SLIT2: variants seen among roughly 807,000 people sequenced by gnomAD.
SLIT2 encodes the protein slit homolog 2 protein.
Under a neutral mutation model 185.7 loss-of-function variants are expected in SLIT2, and 41 were observed. That is an observed-to-expected ratio of 0.22 (90% CI 0.17 to 0.29). The LOEUF is 0.29. Ranked by LOEUF, SLIT2 falls within the 10% of genes least tolerant of loss-of-function variation. The pLI is 1.00. For missense variants in SLIT2, 1,571 were observed against 1,909.0 expected, an observed-to-expected ratio of 0.82 and a Z score of 3.30; for synonymous variants, 693 against 680.2, an observed-to-expected ratio of 1.02 and a Z score of -0.29.
At chr4:20,316,843 G>T (rs1718636944) in intron 4 of SLIT2, among the ~76,000 whole-genome samples, 1 of 147,736 alleles carries the variant, frequency 6.8e-6, no homozygotes, top group African/African-American at 2.5e-5. Context: ...TTAATCTCCA[G>T]GGATTCTTCC....
chr4:20,469,436 A>T (rs1181671195), intron 5 of SLIT2, among the ~76,000 whole-genome samples: 1 of 152,188 alleles, frequency 6.6e-6, no homozygotes, highest in Non-Finnish European at 1.5e-5. Context: ...CAGTCATGAT[A>T]GAATTCTTCT....
chr4:20,408,808 G>T (rs910385614), intron 4 of SLIT2, among the ~76,000 whole-genome samples: 5 of 152,100 alleles, frequency 3.3e-5, no homozygotes, highest in Non-Finnish European at 7.4e-5. Flanking sequence ...AGTTTGCATC[G>T]CTGTGGCTCA....
chr4:20,401,789 C>A (rs906072391), intron 4 of SLIT2, among the ~76,000 whole-genome samples: 3 of 151,864 alleles, frequency 2.0e-5, no homozygotes, highest in Admixed American at 2.0e-4. Context: ...AACACTGTCA[C>A]AGGTTGGTAG....
chr4:20,275,948 G>T (rs1421208799), intron 4 of SLIT2, among the ~76,000 whole-genome samples: 1 of 151,968 alleles, frequency 6.6e-6, no homozygotes, highest in Non-Finnish European at 1.5e-5. Flanking sequence ...TCTGAAAGTT[G>T]TTCAGAAGAT....
chr4:20,596,466 C>G lies in SLIT2; in HGVS notation c.3372C>G (p.Pro1124=), dbSNP rs1727989293. 1 of 1,614,004 alleles carries G rather than the reference C, an allele frequency of 6.2e-7. No individual in the cohort carries two copies. The highest frequency in any genetic ancestry group is 1.3e-5 in the African/African-American group (1 of 75,008). The change falls in exon 32 of 37, where the codon CCC becomes CCG. Residue 1124 remains proline, a synonymous_variant. Coordinates refer to ENST00000504154, the MANE Select transcript of SLIT2 (RefSeq NM_004787.4). Reference sequence around the variant, plus strand: ...CCATGGTCCTCCCTCGTACCAGCCCCTGTGATAATTTTGATTGTCAGAATG... The same window carrying G: ...CCATGGTCCTCCCTCGTACCAGCCCGTGTGATAATTTTGATTGTCAGAATG... ...SPPMVLPRTS[P]CDNFDCQNGA...
intron 5 of SLIT2, among the ~76,000 whole-genome samples, chr4:20,473,548 C>A (rs1416597280): frequency 2.0e-5 from 3 of 151,984 alleles, no homozygotes; most frequent in Admixed American, 2.0e-4. Flanking sequence ...TGTGTTGTTA[C>A]AGAGCTATTT....
chr4:20,381,158 C>T (rs774666761), intron 4 of SLIT2, among the ~76,000 whole-genome samples: 2 of 152,010 alleles, frequency 1.3e-5, no homozygotes, highest in Admixed American at 1.3e-4. Flanking sequence ...GAGGCTGATG[C>T]AAGAGAATCA....
At chr4:20,263,955 C>T (rs532922316) in intron 3 of SLIT2, among the ~76,000 whole-genome samples, 18 of 151,868 alleles carry the variant, frequency 1.2e-4, no homozygotes, top group African/African-American at 3.6e-4. Flanking sequence ...TTCTTCCTAA[C>T]GTAGTATATG....
chr4:20,369,140 A>G (rs1723364817), intron 4 of SLIT2, among the ~76,000 whole-genome samples: 1 of 151,998 alleles, frequency 6.6e-6, no homozygotes, highest in Admixed American at 6.6e-5. Flanking sequence ...TTTCTTTCCC[A>G]AGATGGTCCA....
chr4:20,414,560 A>T (rs559665019), intron 4 of SLIT2, among the ~76,000 whole-genome samples: 2 of 152,024 alleles, frequency 1.3e-5, no homozygotes, highest in African/African-American at 2.4e-5. Context: ...TTTTTTAAAA[A>T]TTTTTTTGTT....
intron 12 of SLIT2, among the ~76,000 whole-genome samples, chr4:20,520,895 G>T (rs1024379393): frequency 2.0e-5 from 3 of 151,942 alleles, no homozygotes; most frequent in African/African-American, 4.8e-5. Context: ...GACTTTATTT[G>T]GGTTTCAGAT....
chr4:20,516,995 G>A (rs35438820), intron 11 of SLIT2, among the ~76,000 whole-genome samples: 6,569 of 152,034 alleles, frequency 0.043, 226 homozygotes, highest in Non-Finnish European at 0.058. Flanking sequence ...ATATAAATAC[G>A]ATGCATCTCC....
Position 20,488,881 on chromosome 4 carries a change from GC to G in SLIT2, c.676del (p.Gln226LysfsTer17). ...CHLAWLSDWL[R>X]QRPRVGLYTQ... is the part of the protein sequence containing the mutation. The stretch of plus-strand genomic sequence containing the variant: ...CTGGCCTGGCTCTCCGACTGGCTTC[GC>G]CAAAGGCCTCGGGTTGGTCTGTACA... On this transcript the variant is annotated frameshift_variant, in exon 8 of 37. Coordinates refer to ENST00000504154, the MANE Select transcript of SLIT2 (RefSeq NM_004787.4). LOFTEE classifies it high-confidence loss of function. 1 of 1,611,312 alleles carries G rather than the reference GC, an allele frequency of 6.2e-7. No homozygotes were observed. Among genetic ancestry groups the G allele is most frequent in the Non-Finnish European group, 8.5e-7 (1 of 1,177,960 alleles).
intron 22 of SLIT2, among the ~76,000 whole-genome samples, chr4:20,547,583 A>T (rs1723359230): frequency 6.6e-6 from 1 of 151,914 alleles, no homozygotes; most frequent in Non-Finnish European, 1.5e-5. Flanking sequence ...AAAGGAATAG[A>T]TTATCCTCGG....
chr4:20,253,539 G>A lies in SLIT2; in HGVS notation c.-277G>A. On this transcript the variant is annotated 5_prime_UTR_variant, in exon 1 of 37. Coordinates refer to ENST00000504154, the MANE Select transcript of SLIT2 (RefSeq NM_004787.4). Reference sequence around the variant, plus strand: ...CGTGATCTCCTCTCCGCTGCTCTTGGGGTCTCCTTGCAGCCCTGGCCAGGC... The same window carrying A: ...CGTGATCTCCTCTCCGCTGCTCTTGAGGTCTCCTTGCAGCCCTGGCCAGGC... The A allele has an allele frequency of 3.9e-6, 2 of 509,130 alleles. No individual in the cohort carries two copies. Among genetic ancestry groups the A allele is most frequent in the South Asian group, 5.4e-5 (2 of 36,912 alleles). 31.5% of individuals were successfully genotyped at this position (509,130 alleles called of 1,614,324 possible). A position where few individuals can be genotyped will look rare whatever the true frequency, so the allele number is the denominator to read the frequency against.
rs188066777 is a variant in SLIT2, at chr4:20,504,321, C to T, written c.915-6174C>T. Among the ~76,000 whole-genome samples, 41 of 152,252 alleles carry T rather than the reference C, an allele frequency of 2.7e-4. 2 individuals carry two copies. Among genetic ancestry groups the T allele is most frequent in the Admixed American group, 2.5e-3 (38 of 15,282 alleles). ...ATTAAGACTATGCTCTATTCTGTGG[C>T]AGCTGCTTTTGCCATTTACGTTAAA... is the stretch of plus-strand genomic sequence containing the variant. On this transcript the variant is annotated intron_variant, in intron 9 of 36. Transcript: ENST00000504154.
chr4:20,262,470 G>A (rs758221711), intron 3 of SLIT2, among the ~76,000 whole-genome samples: 49 of 151,770 alleles, frequency 3.2e-4, no homozygotes, highest in Admixed American at 5.9e-4. Flanking sequence ...TGACTAATCC[G>A]ACAAGTTTAT....
chr4:20,416,725 CAATT>C (rs1321829660), intron 4 of SLIT2, among the ~76,000 whole-genome samples: 1 of 152,098 alleles, frequency 6.6e-6, no homozygotes, highest in Non-Finnish European at 1.5e-5. Context: ...AGCTTGAAAA[CAATT>C]AAGAAATTTA....
intron 28 of SLIT2, 28 bp from the exon 29 acceptor site, chr4:20,568,837 T>A: frequency 1.2e-6 from 2 of 1,602,160 alleles, no homozygotes; most frequent in South Asian, 2.2e-5. Flanking sequence ...AAAAAGATGT[T>A]TTTTGCCTTT....
Sources: allele counts gnomAD v4.1 joint callset (sites outside exome capture counted in the v4.1 genomes callset), GRCh38; gene constraint gnomAD v4.1.1; transcripts MANE v1.5; gene names NCBI Gene and HGNC (gene_info 2026-07-23, HGNC 2026-07-21).